FKBP5: variants seen among roughly 807,000 people sequenced by gnomAD.
The protein encoded by FKBP5 is peptidyl-prolyl cis-trans isomerase FKBP5.
Under a neutral mutation model 50.5 loss-of-function variants are expected in FKBP5, and 23 were observed. The ratio of observed to expected loss-of-function variants is 0.46; its 90% CI spans 0.33 to 0.65. The LOEUF (loss-of-function observed/expected upper bound fraction) is 0.65, where lower values mean the gene tolerates loss of function less well. Among genes scored for constraint, FKBP5 ranks in the 30% least tolerant of loss-of-function variants. The pLI is 0.02. For synonymous variants in FKBP5, 176 were observed against 190.6 expected (o/e 0.92, Z 0.63); for missense variants, 411 against 553.1 (o/e 0.74, Z 2.58).
chr6:35,723,119 G>C (rs1766644085), intron 1 of FKBP5, among the ~76,000 whole-genome samples: 2 of 152,164 alleles, frequency 1.3e-5, no homozygotes, highest in African/African-American at 4.8e-5. Context: ...TGTAATCCCA[G>C]CTACTTGGGA....
chr6:35,700,979 A>G (rs1202330253), intron 2 of FKBP5, among the ~76,000 whole-genome samples: 1 of 152,124 alleles, frequency 6.6e-6, no homozygotes, highest in Non-Finnish European at 1.5e-5. Flanking sequence ...TAAAAAATAA[A>G]TAAATAAAAA....
At chr6:35,653,705 T>A (rs1324913852) in intron 1 of FKBP5, among the ~76,000 whole-genome samples, 1 of 152,150 alleles carries the variant, frequency 6.6e-6, no homozygotes, top group Non-Finnish European at 1.5e-5. Context: ...AGATTCTTGG[T>A]GAATTTTGAA....
intron 2 of FKBP5, among the ~76,000 whole-genome samples, chr6:35,713,232 C>T (rs1284826573): frequency 6.6e-6 from 1 of 151,746 alleles, no homozygotes; most frequent in African/African-American, 2.4e-5. Context: ...GGATGTGGCT[C>T]AGGTCAATGG....
At chr6:35,579,468 T>C (rs1028685927) in intron 9 of FKBP5, among the ~76,000 whole-genome samples, 2 of 152,114 alleles carry the variant, frequency 1.3e-5, no homozygotes, top group African/African-American at 4.8e-5. Flanking sequence ...TACATAACGA[T>C]ACAGATGATA....
chr6:35,700,930 G>A (rs1024254545), intron 2 of FKBP5, among the ~76,000 whole-genome samples: 3 of 152,042 alleles, frequency 2.0e-5, no homozygotes, highest in South Asian at 2.1e-4. Flanking sequence ...CTGCACTCCA[G>A]CCTGGGCAAC....
At chr6:35,582,405 G>A in intron 8 of FKBP5, 3 of 614,672 alleles carry the variant, frequency 4.9e-6, no homozygotes, top group Non-Finnish European at 6.1e-6. Context: ...GGTTAGATGT[G>A]GTCATGAGGG....
intron 5 of FKBP5, among the ~76,000 whole-genome samples, chr6:35,607,292 A>G (rs1763352755): frequency 6.6e-6 from 1 of 151,594 alleles, no homozygotes; most frequent in Admixed American, 6.6e-5. Context: ...CTGCAGTGGT[A>G]TAAATGTGAC....
rs974492746 is a variant in FKBP5 at position 35,593,717 on chromosome 6, G to C, written c.666-2497C>G. 5.3e-5 allele frequency among the ~76,000 whole-genome samples: 8 copies of C among 152,126 alleles called. No homozygotes were observed. The East Asian group carries it at 1.2e-3, about 22-fold the overall frequency. ...TTACAGGCATGCACCACCACGCCCA[G>C]CTAATTTTTATATTTTTAGTAGAGA... On this transcript the variant is annotated intron_variant, in intron 6 of 10. Transcript: ENST00000357266.
chr6:35,676,904 G>C (rs1204471174), intron 1 of FKBP5, among the ~76,000 whole-genome samples: 1 of 152,172 alleles, frequency 6.6e-6, no homozygotes. Context: ...CTGCTAGTGG[G>C]AAGAACAAAG....
At chr6:35,673,482 A>T (rs958138905) in intron 1 of FKBP5, among the ~76,000 whole-genome samples, 1 of 152,092 alleles carries the variant, frequency 6.6e-6, no homozygotes, top group Non-Finnish European at 1.5e-5. Flanking sequence ...CCTGGGAAGG[A>T]GCTTTGAGAG....
rs1762813784 is a variant in FKBP5 at position 35,591,302 on chromosome 6, A to ATTT, written c.666-83_666-82insAAA. 8.8e-6 allele frequency: 8 copies of ATTT among 909,434 alleles called. No homozygotes were observed. The South Asian group carries it at 1.2e-4, about 13-fold the overall frequency. 56.3% of individuals were successfully genotyped at this position (909,434 alleles called of 1,614,324 possible). A position where few individuals can be genotyped will look rare whatever the true frequency, so the allele number is the denominator to read the frequency against. On this transcript the variant is annotated intron_variant, in intron 6 of 10. Transcript: ENST00000357266. ...TCCTTCAGTATTTTGAGGCATCAAC[A>ATTT]GAGCTATCATTTGCAAGCTACATGT...
intron 2 of FKBP5, among the ~76,000 whole-genome samples, chr6:35,706,260 C>A (rs1001015926): frequency 3.3e-5 from 5 of 151,816 alleles, no homozygotes; most frequent in African/African-American, 9.7e-5. Flanking sequence ...CCTGTCTCTA[C>A]TAACAATACA....
intron 3 of FKBP5, among the ~76,000 whole-genome samples, chr6:35,622,400 A>G (rs1763872093): frequency 6.6e-6 from 1 of 152,096 alleles, no homozygotes; most frequent in South Asian, 2.1e-4. Context: ...AGCTCCAGCT[A>G]CTTTGGAGGT....
chr6:35,624,928 TG>T (rs1763950942), intron 3 of FKBP5, among the ~76,000 whole-genome samples: 1 of 152,180 alleles, frequency 6.6e-6, no homozygotes, highest in South Asian at 2.1e-4. Flanking sequence ...GGGAGCAATG[TG>T]TGAGACCACA....
At chr6:35,659,483 G>A (rs1226167592) in intron 1 of FKBP5, among the ~76,000 whole-genome samples, 1 of 84,230 alleles carries the variant, frequency 1.2e-5, no homozygotes, top group African/African-American at 3.7e-5. Context: ...CCGACCTCAG[G>A]TGATCCGCCT....
Position 35,630,170 on chromosome 6 carries a change from AAGAGAG to A in FKBP5, c.250+6838_250+6843del, listed in dbSNP as rs112790704. Among the ~76,000 whole-genome samples the A allele has an allele frequency of 7.5e-3, 1,107 of 146,706 alleles. 10 individuals carry two copies. The highest frequency in any genetic ancestry group is 0.023 in the African/African-American group (916 of 40,114). ...AGAGAAAGAGGGAGGAGGAGGAAGA[AAGAGAG>A]AGAGAGAGAGAGAGAGCGAGCGAAC... On this transcript the variant is annotated intron_variant, in intron 3 of 10. Transcript: ENST00000357266.
chr6:35,663,817 T>A (rs1581863149), intron 1 of FKBP5, among the ~76,000 whole-genome samples: 1 of 152,386 alleles, frequency 6.6e-6, no homozygotes, highest in African/African-American at 2.4e-5. Context: ...AGCCCCACTA[T>A]GTTTTCCTCC....
chr6:35,633,677 T>C (rs1229179107), intron 3 of FKBP5, among the ~76,000 whole-genome samples: 1 of 152,206 alleles, frequency 6.6e-6, no homozygotes, highest in African/African-American at 2.4e-5. Context: ...TATCCTAGTA[T>C]TTCCAATTAC....
chr6:35,673,207 G>A (rs974818464), intron 1 of FKBP5, among the ~76,000 whole-genome samples: 12 of 152,146 alleles, frequency 7.9e-5, no homozygotes, highest in Non-Finnish European at 1.2e-4. Flanking sequence ...AGAAGAAAAT[G>A]CTTGAATACA....
Sources: gnomAD v4.1 joint callset for allele counts (sites outside exome capture counted in the v4.1 genomes callset) on GRCh38, gnomAD v4.1.1 for gene constraint, MANE v1.5 for transcripts, NCBI Gene and HGNC (gene_info 2026-07-23, HGNC 2026-07-21) for gene names.